FGF12: variants seen among roughly 807,000 people sequenced by gnomAD.
The protein encoded by FGF12 is fibroblast growth factor 12.
A neutral mutation model predicts 23.6 loss-of-function variants in FGF12; 14 were observed. That is an observed-to-expected ratio of 0.59 (90% CI 0.39 to 0.93). The LOEUF (loss-of-function observed/expected upper bound fraction) is 0.93, where lower values mean the gene tolerates loss of function less well. Ranked by LOEUF, FGF12 falls within the 40% of genes least tolerant of loss-of-function variation. The pLI, the probability that FGF12 is intolerant of heterozygous loss-of-function variation, is 0.00. For synonymous variants in FGF12, 62 were observed against 77.3 expected (o/e 0.80, Z 1.04); for missense variants, 175 against 217.8 (o/e 0.80, Z 1.24).
chr3:192,440,097 G>A (rs1722160912), intron 2 of FGF12, among the ~76,000 whole-genome samples: 1 of 152,058 alleles, frequency 6.6e-6, no homozygotes, highest in African/African-American at 2.4e-5. Flanking sequence ...ACTTTTTCAG[G>A]TATTGGGAAC....
rs184173095 is a variant in FGF12 at position 192,674,974 on chromosome 3, C to A, written c.13+52207G>T. On this transcript the variant is annotated intron_variant, in intron 2 of 5. Transcript: ENST00000445105. ...TTTGCAGCCTTTCCATGTTTTTATT[C>A]TTTTTACCATCATCTATCTACCTGT... Among the ~76,000 whole-genome samples, 322 of 152,266 alleles carry A rather than the reference C, an allele frequency of 2.1e-3. 1 individual carries two copies. The highest frequency in any genetic ancestry group is 3.5e-3 in the Non-Finnish European group (236 of 68,008).
intron 2 of FGF12, among the ~76,000 whole-genome samples, chr3:192,500,299 A>G (rs985031122): frequency 2.0e-5 from 3 of 152,212 alleles, no homozygotes; most frequent in Non-Finnish European, 4.4e-5. Context: ...CAGCTCAACC[A>G]AGAACCATGC....
intron 4 of FGF12, among the ~76,000 whole-genome samples, chr3:192,213,085 T>C (rs545542683): frequency 6.6e-6 from 1 of 152,350 alleles, no homozygotes; most frequent in South Asian, 2.1e-4. Flanking sequence ...TGTCTACAGT[T>C]CTGCACAAGA....
intron 4 of FGF12, among the ~76,000 whole-genome samples, chr3:192,250,525 A>G (rs1274825368): frequency 6.6e-6 from 1 of 152,152 alleles, no homozygotes; most frequent in Non-Finnish European, 1.5e-5. Context: ...AAAATATATT[A>G]AGATTTAAAT....
At chr3:192,461,176 T>TTGTTG (rs10669893) in intron 2 of FGF12, among the ~76,000 whole-genome samples, 1 of 152,170 alleles carries the variant, frequency 6.6e-6, no homozygotes, top group African/African-American at 2.4e-5. Flanking sequence ...TGTAAAACAT[T>TTGTTG]TATTTTTGAA....
intron 2 of FGF12, among the ~76,000 whole-genome samples, chr3:192,507,612 A>T (rs1328375304): frequency 6.6e-6 from 1 of 152,152 alleles, no homozygotes; most frequent in Non-Finnish European, 1.5e-5. Flanking sequence ...GTACCATGGC[A>T]GTTTTAGACA....
chr3:192,265,548 T>A (rs1246441330), intron 4 of FGF12: 1 of 152,168 alleles, frequency 6.6e-6, no homozygotes, highest in Non-Finnish European at 1.5e-5. Context: ...CAAAGAACAG[T>A]TTTAACATTT....
intron 4 of FGF12, among the ~76,000 whole-genome samples, chr3:192,227,580 TAAAAAAA>T (rs778525112): frequency 2.5e-4 from 15 of 60,268 alleles, no homozygotes; most frequent in African/African-American, 6.7e-4. Context: ...GAACTTAAAG[TAAAAAAA>T]AAAAAAAAAA....
At chr3:192,516,088 A>G (rs1180256898) in intron 2 of FGF12, among the ~76,000 whole-genome samples, 1 of 151,984 alleles carries the variant, frequency 6.6e-6, no homozygotes, top group Non-Finnish European at 1.5e-5. Context: ...CAATTTTCTC[A>G]TCTTTAAAAG....
At chr3:192,464,106 C>T (rs1000454577) in intron 2 of FGF12, among the ~76,000 whole-genome samples, 3 of 152,090 alleles carry the variant, frequency 2.0e-5, no homozygotes, top group African/African-American at 7.2e-5. Flanking sequence ...CAGGGTGGGG[C>T]CCAGGGATGA....
chr3:192,619,274 A>T (rs1289342335), intron 2 of FGF12, among the ~76,000 whole-genome samples: 1 of 152,090 alleles, frequency 6.6e-6, no homozygotes, highest in African/African-American at 2.4e-5. Context: ...AGAACAGGTG[A>T]TGTTTGAGCT....
At chr3:192,660,516 A>G (rs570102173) in intron 2 of FGF12, among the ~76,000 whole-genome samples, 4 of 152,176 alleles carry the variant, frequency 2.6e-5, no homozygotes, top group Admixed American at 6.5e-5. Context: ...ATAAAAAAAA[A>G]AAAAAAGAAA....
chr3:192,530,588 G>C (rs1275647557), intron 2 of FGF12, among the ~76,000 whole-genome samples: 1 of 151,822 alleles, frequency 6.6e-6, no homozygotes, highest in Non-Finnish European at 1.5e-5. Context: ...AATTGTCTTT[G>C]TTTGAAGGAG....
chr3:192,214,213 C>T (rs572722357), intron 4 of FGF12, among the ~76,000 whole-genome samples: 41 of 152,254 alleles, frequency 2.7e-4, no homozygotes, highest in African/African-American at 7.5e-4. Flanking sequence ...ACAATAACCA[C>T]GTGAGATCAG....
rs1033170427 is a variant in FGF12 at position 192,409,568 on chromosome 3, G to A, written c.14-49030C>T. 6.6e-6 allele frequency among the ~76,000 whole-genome samples: 1 copy of A among 152,236 alleles called. No homozygotes were observed. Among genetic ancestry groups the A allele is most frequent in the Non-Finnish European group, 1.5e-5 (1 of 68,036 alleles). On this transcript the variant is annotated intron_variant, in intron 2 of 5. Transcript: ENST00000445105. This position sits in a 1 kb window ranked among gnomAD's most constrained non-coding sequence, Gnocchi z 4.8. ...GACGCAAGGCCGATCACTCAGTCCC[G>A]CGCCGCCCATCCCGGCCGAGGAAGG... is the stretch of plus-strand genomic sequence containing the variant.
chr3:192,715,926 A>G (rs1194877398), intron 2 of FGF12, among the ~76,000 whole-genome samples: 1 of 152,222 alleles, frequency 6.6e-6, no homozygotes, highest in Non-Finnish European at 1.5e-5. Context: ...TGCTGGGCTA[A>G]TTGTCTATAC....
At chr3:192,430,881 G>T (rs964425239) in intron 2 of FGF12, among the ~76,000 whole-genome samples, 5 of 152,118 alleles carry the variant, frequency 3.3e-5, no homozygotes, top group Admixed American at 3.3e-4. Context: ...GAGCATAATT[G>T]TTATTGGAAT....
At chr3:192,525,360 T>C (rs1174286356) in intron 2 of FGF12, among the ~76,000 whole-genome samples, 1 of 152,212 alleles carries the variant, frequency 6.6e-6, no homozygotes, top group Non-Finnish European at 1.5e-5. Context: ...CATATTTTAA[T>C]GAGCAACTAC....
intron 2 of FGF12, among the ~76,000 whole-genome samples, chr3:192,488,018 C>T (rs1006901762): frequency 9.9e-5 from 15 of 152,180 alleles, no homozygotes; most frequent in African/African-American, 2.6e-4. Context: ...AAACCATGCT[C>T]ATGCTTGCTG....
Sources: allele counts gnomAD v4.1 joint callset (sites outside exome capture counted in the v4.1 genomes callset), GRCh38; gene constraint gnomAD v4.1.1; non-coding constraint Gnocchi (gnomAD v3.1); transcripts MANE v1.5; gene names NCBI Gene and HGNC (gene_info 2026-07-23, HGNC 2026-07-21).